The following STXBP4 variants were observed in gnomAD, a reference collection of about 807,000 sequenced individuals.
STXBP4 encodes the protein syntaxin binding protein 4.
In STXBP4, 55 loss-of-function variants were observed where a neutral mutation model predicts 76.1. That is an observed-to-expected ratio of 0.72 (90% CI 0.58 to 0.91). STXBP4 has a LOEUF of 0.91. Among genes scored for constraint, STXBP4 ranks in the 40% least tolerant of loss-of-function variants. STXBP4 has a pLI of 0.00. For missense variants in STXBP4, 618 were observed against 636.9 expected (o/e 0.97, Z 0.32); for synonymous variants, 201 against 220.2 (o/e 0.91, Z 0.77).
At chr17:55,033,209 A>G (rs1337279405) in intron 9 of STXBP4, among the ~76,000 whole-genome samples, 2 of 151,996 alleles carry the variant, frequency 1.3e-5, no homozygotes, top group Non-Finnish European at 1.5e-5. Flanking sequence ...CCCCGTCTCT[A>G]TTAAAAATAC....
At chr17:55,043,641 A>G (rs767672483) in intron 11 of STXBP4, 33 of 1,549,754 alleles carry the variant, frequency 2.1e-5, no homozygotes, top group Non-Finnish European at 2.6e-6. Flanking sequence ...TGAAGAGCCA[A>G]TAAAGCAAGT....
intron 1 of STXBP4, among the ~76,000 whole-genome samples, chr17:54,979,222 T>A (rs941041601): frequency 6.6e-6 from 1 of 152,166 alleles, no homozygotes; most frequent in African/African-American, 2.4e-5. Context: ...TTTCTAACCC[T>A]CTTTTTCTTT....
chr17:55,072,948 C>T lies in STXBP4; in HGVS notation c.1060C>T (p.His354Tyr). The T allele has an allele frequency of 6.2e-7, 1 of 1,613,660 alleles. No individual in the cohort carries two copies. The highest frequency in any genetic ancestry group is 2.2e-5 in the East Asian group (1 of 44,848). Residue 354 changes from histidine (H) to tyrosine (Y), a missense_variant, in exon 13 of 18, where the codon CAT (histidine) becomes TAT (tyrosine). Coordinates refer to ENST00000376352, the MANE Select transcript of STXBP4 (RefSeq NM_178509.6). The stretch of plus-strand genomic sequence containing the variant: ...AACAAGAGCCCTGCGTAGTCGGATT[C>T]ATCTTGCTGAAGCTGCTCAGAGACA... Reference protein sequence around the residue: ...EETRALRSRIHLAEAAQRQAH... With the variant: ...EETRALRSRIYLAEAAQRQAH...
rs548060051 is a variant in STXBP4 at position 55,145,637 on chromosome 17, A to T, written c.1547+4270A>T. On this transcript the variant is annotated intron_variant, in intron 17 of 17. Coordinates refer to ENST00000376352, the MANE Select transcript of STXBP4 (RefSeq NM_178509.6). ...AAATTCTGATGCAAGAGAAGAAAGCATTTTACCTAGGATGAACAAATTTGA... is the reference window on the plus strand; with the variant it reads ...AAATTCTGATGCAAGAGAAGAAAGCTTTTTACCTAGGATGAACAAATTTGA... Among the ~76,000 whole-genome samples, 15 of 152,300 alleles carry T rather than the reference A, an allele frequency of 9.8e-5. No individual in the cohort carries two copies. In the East Asian group the frequency reaches 2.9e-3, roughly 29 times the overall value.
intron 16 of STXBP4, among the ~76,000 whole-genome samples, chr17:55,106,774 T>G (rs2079640262): frequency 6.6e-6 from 1 of 152,210 alleles, no homozygotes; most frequent in Non-Finnish European, 1.5e-5. Context: ...TCTTTAAGCA[T>G]GTTGAATATT....
chr17:55,164,624 T>C lies in STXBP4; in HGVS notation c.*4713T>C, dbSNP rs1415127476. ...CGCCACCGCGCCCGGCTAATTTTTT[T>C]TGTATTTTTAGTAGAGACGGGGTTT... On this transcript the variant is annotated 3_prime_UTR_variant, in exon 18 of 18. Coordinates refer to ENST00000376352, the MANE Select transcript of STXBP4 (RefSeq NM_178509.6). 6.6e-6 allele frequency: 1 copy of C among 151,056 alleles called. No individual in the cohort carries two copies. The highest frequency in any genetic ancestry group is 1.5e-5 in the Non-Finnish European group (1 of 67,784). 9.4% of individuals were successfully genotyped at this position (151,056 alleles called of 1,614,324 possible).
At chr17:54,990,335 T>C (rs1029956149) in intron 3 of STXBP4, among the ~76,000 whole-genome samples, 1 of 152,188 alleles carries the variant, frequency 6.6e-6, no homozygotes, top group African/African-American at 2.4e-5. Flanking sequence ...CATTACTGCC[T>C]GAGCTCTGCC....
intron 16 of STXBP4, among the ~76,000 whole-genome samples, chr17:55,098,542 AT>A (rs2079523647): frequency 6.6e-6 from 1 of 152,202 alleles, no homozygotes; most frequent in African/African-American, 2.4e-5. Context: ...GGAGTAAGCC[AT>A]ATAGCTCTCT....
intron 12 of STXBP4, among the ~76,000 whole-genome samples, chr17:55,066,931 A>C (rs974327934): frequency 1.3e-5 from 2 of 152,212 alleles, no homozygotes; most frequent in Non-Finnish European, 1.5e-5. Context: ...GGTGTTTCTC[A>C]AAGCATAGTT....
intron 16 of STXBP4, among the ~76,000 whole-genome samples, chr17:55,095,652 A>T (rs2079475819): frequency 6.6e-6 from 1 of 152,204 alleles, no homozygotes; most frequent in Admixed American, 6.5e-5. Flanking sequence ...AATAACATTG[A>T]CATAGAAGGT....
chr17:55,099,368 A>G (rs999295085), intron 16 of STXBP4, among the ~76,000 whole-genome samples: 1 of 152,248 alleles, frequency 6.6e-6, no homozygotes, highest in African/African-American at 2.4e-5. Context: ...CAATGTCATC[A>G]TTGTGCAAAT....
intron 16 of STXBP4, among the ~76,000 whole-genome samples, chr17:55,090,764 TC>T (rs1340492286): frequency 6.6e-6 from 1 of 151,874 alleles, no homozygotes; most frequent in African/African-American, 2.4e-5. Context: ...GACTTCAGGA[TC>T]AAGATAGAAG....
Position 55,172,716 on chromosome 17 carries a change from A to G in STXBP4, c.*12805A>G, listed in dbSNP as rs1402505865. ...GCATTATTTCTAATTTGCATATGAG[A>G]AAAAACTAAGGCTCGGATGAGTTAT... is the stretch of plus-strand genomic sequence containing the variant. On this transcript the variant is annotated 3_prime_UTR_variant, in exon 18 of 18. Coordinates refer to ENST00000376352, the MANE Select transcript of STXBP4 (RefSeq NM_178509.6). The G allele has an allele frequency of 6.6e-6, 1 of 152,190 alleles. No individual in the cohort carries two copies. Among genetic ancestry groups the G allele is most frequent in the Non-Finnish European group, 1.5e-5 (1 of 68,042 alleles). The allele number at this position is 152,190 out of a possible 1,614,324, so 9.4% of individuals were successfully genotyped here.
At chr17:54,995,015 G>A (rs190639357) in intron 4 of STXBP4, among the ~76,000 whole-genome samples, 14 of 152,012 alleles carry the variant, frequency 9.2e-5, no homozygotes, top group Non-Finnish European at 1.6e-4. Flanking sequence ...ACCTCAGTTT[G>A]CAATGATATA....
chr17:55,040,637 G>A (rs1468418610), intron 10 of STXBP4, among the ~76,000 whole-genome samples: 2 of 152,174 alleles, frequency 1.3e-5, no homozygotes, highest in Non-Finnish European at 2.9e-5. Flanking sequence ...AATCAGCACA[G>A]TCCAATGACC....
At chr17:55,107,328 CAA>C (rs1475771553) in intron 16 of STXBP4, among the ~76,000 whole-genome samples, 13 of 152,160 alleles carry the variant, frequency 8.5e-5, no homozygotes, top group Non-Finnish European at 1.5e-5. Flanking sequence ...TTCTAGTTAG[CAA>C]TTCCTCTAAC....
chr17:55,109,318 G>A (rs1045417440), intron 16 of STXBP4, among the ~76,000 whole-genome samples: 3 of 151,964 alleles, frequency 2.0e-5, no homozygotes, highest in East Asian at 3.9e-4. Flanking sequence ...TATCATATAT[G>A]CCATATATAC....
At chr17:55,025,342 T>A (rs1598223251) in intron 8 of STXBP4, among the ~76,000 whole-genome samples, 1 of 152,048 alleles carries the variant, frequency 6.6e-6, no homozygotes, top group Non-Finnish European at 1.5e-5. Flanking sequence ...CTAAACAGAC[T>A]ATAACAAGTA....
chr17:55,123,324 T>A (rs1039838225), intron 16 of STXBP4, among the ~76,000 whole-genome samples: 1 of 152,130 alleles, frequency 6.6e-6, no homozygotes, highest in African/African-American at 2.4e-5. Context: ...ATGGACTGCA[T>A]CAATTAAACC....
Sources: allele counts gnomAD v4.1 joint callset (sites outside exome capture counted in the v4.1 genomes callset), GRCh38; gene constraint gnomAD v4.1.1; transcripts MANE v1.5; gene names NCBI Gene and HGNC (gene_info 2026-07-23, HGNC 2026-07-21).